Variants in STON2 observed in about 807,000 individuals in gnomAD.
STON2 encodes stonin-2.
A neutral mutation model predicts 65.7 loss-of-function variants in STON2; 29 were observed. That is an observed-to-expected ratio of 0.44 (90% confidence interval 0.33 to 0.60). The LOEUF is 0.60. Among genes scored for constraint, STON2 ranks in the 20% least tolerant of loss-of-function variants. The probability of loss-of-function intolerance (pLI) is 0.03; values close to 1 mark genes in which losing one functional copy is unlikely to be tolerated. For synonymous variants in STON2, 404 were observed against 414.2 expected (o/e 0.98, Z 0.30); for missense variants, 1,054 against 1,118.1 (o/e 0.94, Z 0.82).
chr14:81,396,007 C>G lies in STON2; in HGVS notation c.260G>C (p.Ser87Thr), dbSNP rs770491073. 1.9e-6 allele frequency: 3 copies of G among 1,614,190 alleles called. No homozygotes were observed. The highest frequency in any genetic ancestry group is 2.5e-6 in the Non-Finnish European group (3 of 1,180,028). Residue 87 changes from serine to threonine, a missense_variant, in exon 3 of 8, where the codon AGC (serine) becomes ACC (threonine). Ser to Thr is a moderately conservative substitution (Grantham distance 58). Coordinates refer to ENST00000614646, the MANE Select transcript of STON2 (RefSeq NM_001394390.1). ...CAGGTCAGGTGGGGGCTGCTCAGGG[C>G]TCCCAGGTGGGGAAGCTGCTTCAGA... ...LISEAASPPGSPEQPPPDLAS... is the reference protein window; with the variant it reads ...LISEAASPPGTPEQPPPDLAS...
Position 81,262,252 on chromosome 14 carries a change from T to C in STON2, c.*6162A>G, listed in dbSNP as rs948853448. 31 of 985,444 alleles carry C rather than the reference T, an allele frequency of 3.1e-5. No homozygotes were observed. The highest frequency in any genetic ancestry group is 1.0e-3 in the Middle Eastern group (2 of 1,914). The allele number at this position is 985,444 out of a possible 1,614,324, so 61.0% of individuals were successfully genotyped here. ...CTGTAAAGATTCACAGAAACCCCAA[T>C]TTCCCCTTAATAAATCCATTATGGC... On this transcript the variant is annotated 3_prime_UTR_variant, in exon 8 of 8. Transcript: ENST00000614646.
intron 5 of STON2, among the ~76,000 whole-genome samples, chr14:81,301,861 T>C (rs1342569048): frequency 1.3e-5 from 2 of 152,180 alleles, no homozygotes; most frequent in Admixed American, 6.5e-5. Flanking sequence ...TCTCCTATTG[T>C]AGATTTGTCA....
At chr14:81,377,873 G>A (rs757526881) in intron 3 of STON2, among the ~76,000 whole-genome samples, 7 of 150,726 alleles carry the variant, frequency 4.6e-5, no homozygotes, top group Non-Finnish European at 8.9e-5. Flanking sequence ...GGAAGATGGA[G>A]TTTTGCTCTT....
At chr14:81,410,763 A>G (rs17111790) in intron 2 of STON2, among the ~76,000 whole-genome samples, 38,004 of 152,090 alleles carry the variant, frequency 0.25, 7,244 homozygotes, top group African/African-American at 0.51. Flanking sequence ...TTGTCAAGGA[A>G]ATTGGGAAAG....
intron 4 of STON2, among the ~76,000 whole-genome samples, chr14:81,347,546 T>TAG (rs1381361821): frequency 7.2e-6 from 1 of 138,220 alleles, no homozygotes; most frequent in Non-Finnish European, 1.5e-5. Context: ...AATTGAAGAG[T>TAG]AGAGAATTCT....
intron 2 of STON2, chr14:81,427,026 A>C (rs1174210586): frequency 6.6e-6 from 1 of 152,220 alleles, no homozygotes; most frequent in African/African-American, 2.4e-5. Context: ...TTATCATATA[A>C]TCCTCATAAC....
chr14:81,278,764 A>C, intron 5 of STON2, 25 bp from the exon 6 acceptor site: 1 of 1,501,598 alleles, frequency 6.7e-7, no homozygotes, highest in Non-Finnish European at 8.8e-7. Flanking sequence ...AGAACATATG[A>C]GCTACTGTTC....
At chr14:81,386,460 C>T (rs1899810937) in intron 3 of STON2, among the ~76,000 whole-genome samples, 1 of 152,132 alleles carries the variant, frequency 6.6e-6, no homozygotes, top group African/African-American at 2.4e-5. Context: ...TGGCTGACAT[C>T]ATCTCTGATC....
At chr14:81,294,871 T>C (rs1051582912) in intron 5 of STON2, among the ~76,000 whole-genome samples, 3 of 152,162 alleles carry the variant, frequency 2.0e-5, no homozygotes, top group Non-Finnish European at 2.9e-5. Context: ...AAATAACACA[T>C]GTGAACATGC....
chr14:81,380,524 T>G (rs1028064446), intron 3 of STON2, among the ~76,000 whole-genome samples: 2 of 152,126 alleles, frequency 1.3e-5, no homozygotes, highest in Non-Finnish European at 2.9e-5. Flanking sequence ...CATGCACACA[T>G]ATGTTCCTTG....
chr14:81,388,081 C>T (rs1422387741), intron 3 of STON2, among the ~76,000 whole-genome samples: 3 of 150,216 alleles, frequency 2.0e-5, no homozygotes, highest in Non-Finnish European at 4.4e-5. Flanking sequence ...TCCCAAGTAG[C>T]TGAGACTACA....
intron 3 of STON2, among the ~76,000 whole-genome samples, chr14:81,381,785 G>C (rs1009854093): frequency 6.6e-6 from 1 of 152,208 alleles, no homozygotes; most frequent in Non-Finnish European, 1.5e-5. Flanking sequence ...AGCTGAATAT[G>C]AACACATCCT....
intron 4 of STON2, among the ~76,000 whole-genome samples, chr14:81,344,834 G>A (rs908812960): frequency 2.0e-5 from 3 of 152,188 alleles, no homozygotes; most frequent in African/African-American, 4.8e-5. Context: ...GGGATTAAAT[G>A]ATGTTTTTCA....
rs151010682 is a variant in STON2 at position 81,270,735 on chromosome 14, T to G, written c.2719A>C (p.Ile907Leu). The G allele has an allele frequency of 1.9e-6, 3 of 1,614,036 alleles. No homozygotes were observed. In the African/African-American group the frequency reaches 4.0e-5, roughly 22 times the overall value. The change falls in exon 7 of 8, where the codon ATC becomes CTC. Residue 907 changes from isoleucine to leucine, a missense_variant. Physicochemically the swap from Ile to Leu is conservative, Grantham distance 5. Coordinates refer to ENST00000614646, the MANE Select transcript of STON2 (RefSeq NM_001394390.1). ...ACGTCAGTCTTGTCTTCTACAGAGA[T>G]AGATCTCACGCTGGCTTTGGAGGCA... ...TSASKASVRSISVEDKTDVRK... is the reference protein window; with the variant it reads ...TSASKASVRSLSVEDKTDVRK...
chr14:81,286,887 C>T (rs1415898348), intron 5 of STON2, among the ~76,000 whole-genome samples: 1 of 152,136 alleles, frequency 6.6e-6, no homozygotes, highest in Non-Finnish European at 1.5e-5. Context: ...AAGTCAAGTC[C>T]TGCTTTTAAT....
chr14:81,424,835 G>A (rs1901888841), intron 2 of STON2, among the ~76,000 whole-genome samples: 1 of 152,140 alleles, frequency 6.6e-6, no homozygotes, highest in Non-Finnish European at 1.5e-5. Context: ...TTAATCACTG[G>A]AAGCTCTTTC....
At chr14:81,339,766 A>G (rs1897520432) in intron 4 of STON2, among the ~76,000 whole-genome samples, 1 of 152,234 alleles carries the variant, frequency 6.6e-6, no homozygotes, top group Non-Finnish European at 1.5e-5. Flanking sequence ...TTAAAAAATA[A>G]AACAAAGCAT....
rs1232350256 is a variant in STON2, at chr14:81,298,048, T to G, written c.743-19309A>C. Reference sequence around the variant, plus strand: ...GCAAAACTCTGTCTCAAAAGAAAAATAATAATAACTGATATTTATTGCCAT... The same window carrying G: ...GCAAAACTCTGTCTCAAAAGAAAAAGAATAATAACTGATATTTATTGCCAT... On this transcript the variant is annotated intron_variant, in intron 5 of 7. Transcript: ENST00000614646. Among the ~76,000 whole-genome samples, 3 of 152,026 alleles carry G rather than the reference T, an allele frequency of 2.0e-5. No homozygotes were observed. In the East Asian group the frequency reaches 5.8e-4, roughly 29 times the overall value.
intron 1 of STON2, among the ~76,000 whole-genome samples, chr14:81,432,585 A>T (rs2371601): frequency 0.021 from 3,145 of 152,286 alleles, 120 homozygotes; most frequent in East Asian, 0.16. Flanking sequence ...TCAGGATTGG[A>T]ATATGTGGAC....
Sources: gnomAD v4.1 joint callset for allele counts (sites outside exome capture counted in the v4.1 genomes callset) on GRCh38, gnomAD v4.1.1 for gene constraint, MANE v1.5 for transcripts, NCBI Gene and HGNC (gene_info 2026-07-23, HGNC 2026-07-21) for gene names.